RAD9B: variants seen among roughly 807,000 people sequenced by gnomAD.
RAD9B encodes the protein RAD9 checkpoint clamp component B.
RAD9B carries 41 observed loss-of-function variants against 48.3 expected under a neutral mutation model. The ratio of observed to expected loss-of-function variants is 0.85; its 90% CI spans 0.66 to 1.10. The LOEUF is 1.10. RAD9B is among the 50% of genes least tolerant of loss of function. The probability of loss-of-function intolerance (pLI) is 0.00; values close to 1 mark genes in which losing one functional copy is unlikely to be tolerated. For missense variants in RAD9B, 444 were observed against 485.1 expected (o/e 0.92, Z 0.80); for synonymous variants, 160 against 157.9 (o/e 1.01, Z -0.10).
Position 110,531,696 on chromosome 12 carries a change from GTC to G in RAD9B, c.*1047_*1048del, listed in dbSNP as rs1429405413. 2 of 1,498,790 alleles carry G rather than the reference GTC, an allele frequency of 1.3e-6. No individual in the cohort carries two copies. The highest frequency in any genetic ancestry group is 2.3e-5 in the East Asian group (1 of 44,200). The allele number at this position is 1,498,790 out of a possible 1,614,324, so 92.8% of individuals were successfully genotyped here. A position where few individuals can be genotyped will look rare whatever the true frequency, so the allele number is the denominator to read the frequency against. ...GAGTGGAATAAGGTGGAAGACAAAT[GTC>G]TCTGTTCTTTGGCCCTTTAAGAGTT... On this transcript the variant is annotated 3_prime_UTR_variant, in exon 11 of 11. Coordinates refer to ENST00000409300, the MANE Select transcript of RAD9B (RefSeq NM_001286535.2).
At chr12:110,515,520 G>T (rs545729429) in intron 6 of RAD9B, among the ~76,000 whole-genome samples, 2 of 152,282 alleles carry the variant, frequency 1.3e-5, no homozygotes, top group African/African-American at 4.8e-5. Context: ...AATTAGCTGG[G>T]TGTGGTGGCT....
At chr12:110,505,456 A>G (rs1277450027) in intron 2 of RAD9B, among the ~76,000 whole-genome samples, 161 bp from the exon 3 acceptor site, 2 of 152,102 alleles carry the variant, frequency 1.3e-5, no homozygotes, top group Admixed American at 1.3e-4. Context: ...TTTTTAAAAT[A>G]AAAAAATAGA....
intron 10 of RAD9B, 80 bp downstream of exon 10, chr12:110,522,491 A>C (rs928718488): frequency 2.1e-6 from 2 of 941,490 alleles, no homozygotes; most frequent in Non-Finnish European, 1.6e-6. Flanking sequence ...CCCAATCCCC[A>C]CCCAGCCATG....
At chr12:110,530,314 A>G (rs59527539) in intron 10 of RAD9B, among the ~76,000 whole-genome samples, 21,661 of 151,980 alleles carry the variant, frequency 0.14, 2,116 homozygotes, top group African/African-American at 0.28. Flanking sequence ...CAAAGTACTG[A>G]GATTACAGGC....
intron 3 of RAD9B, among the ~76,000 whole-genome samples, chr12:110,506,086 A>G (rs934749300): frequency 2.0e-5 from 3 of 151,300 alleles, no homozygotes; most frequent in African/African-American, 7.3e-5. Context: ...GGGTTTCGCC[A>G]TGTTGGCCAG....
chr12:110,514,972 A>G, intron 5 of RAD9B, 78 bp from the exon 6 acceptor site: 2 of 829,934 alleles, frequency 2.4e-6, no homozygotes, highest in South Asian at 2.0e-5. Flanking sequence ...CAGATTAGAG[A>G]TTTGAGTCCC....
chr12:110,510,088 C>T (rs1362847911), intron 4 of RAD9B, among the ~76,000 whole-genome samples: 1 of 152,216 alleles, frequency 6.6e-6, no homozygotes, highest in Non-Finnish European at 1.5e-5. Context: ...CTCCCAGTAG[C>T]TCCCCATTTT....
chr12:110,520,566 GTCTA>G, intron 9 of RAD9B, among the ~76,000 whole-genome samples: 1 of 142,984 alleles, frequency 7.0e-6, no homozygotes, highest in African/African-American at 2.6e-5. Flanking sequence ...TCACAGGAAA[GTCTA>G]TATTCACTTC....
At chr12:110,514,209 A>T (rs942530577) in intron 5 of RAD9B, among the ~76,000 whole-genome samples, 1 of 152,218 alleles carries the variant, frequency 6.6e-6, no homozygotes, top group African/African-American at 2.4e-5. Context: ...ACATTTTGAT[A>T]GCAAGAAACA....
rs1376049127 is a variant in RAD9B at position 110,532,023 on chromosome 12, T to A, written c.*1370T>A. ...ACTGAAACCAGAATTAATTTGGCTC[T>A]TGTAGCTTAGTAATGAGTCATAGCT... On this transcript the variant is annotated 3_prime_UTR_variant, in exon 11 of 11. Coordinates refer to ENST00000409300, the MANE Select transcript of RAD9B (RefSeq NM_001286535.2). The A allele has an allele frequency of 5.8e-6, 1 of 171,106 alleles. No individual in the cohort carries two copies. Among genetic ancestry groups the A allele is most frequent in the East Asian group, 1.8e-4 (1 of 5,646 alleles). The allele number at this position is 171,106 out of a possible 1,614,324, so 10.6% of individuals were successfully genotyped here.
At position 110,505,719 on chromosome 12, in the gene RAD9B, A is replaced by T; in HGVS notation, c.220A>T (p.Ser74Cys). Reference sequence around the variant, plus strand: ...TCAATGGTCAGCTTTAGTGAAAATGAGTGAAAATGAACTTGACACAACACT... The same window carrying T: ...TCAATGGTCAGCTTTAGTGAAAATGTGTGAAAATGAACTTGACACAACACT... ...HYQWSALVKM[S>C]ENELDTTLHL... is the part of the protein sequence containing the mutation. The change falls in exon 3 of 11, where the codon AGT becomes TGT. Residue 74 changes from serine to cysteine, a missense_variant. Physicochemically the swap from Ser to Cys is moderately radical, Grantham distance 112. Transcript: ENST00000409300. 1 of 1,610,330 alleles carries T rather than the reference A, an allele frequency of 6.2e-7. No individual in the cohort carries two copies. Among genetic ancestry groups the T allele is most frequent in the Non-Finnish European group, 8.5e-7 (1 of 1,178,094 alleles).
Position 110,531,412 on chromosome 12 carries a change from GAACT to G in RAD9B, c.*760_*763del. 7.3e-6 allele frequency: 4 copies of G among 550,510 alleles called. No individual in the cohort carries two copies. Among genetic ancestry groups the G allele is most frequent in the Non-Finnish European group, 9.3e-6 (3 of 320,960 alleles). The allele number at this position is 550,510 out of a possible 1,614,324, so 34.1% of individuals were successfully genotyped here. ...TCGCCATGTTGGCCAGGGTGGTCTT[GAACT>G]CCTGGCCTCAAGTGATCTGCCCACC... On this transcript the variant is annotated 3_prime_UTR_variant, in exon 11 of 11. Transcript: ENST00000409300.
At chr12:110,523,731 C>T (rs1186628177) in intron 10 of RAD9B, among the ~76,000 whole-genome samples, 1 of 152,304 alleles carries the variant, frequency 6.6e-6, no homozygotes, top group South Asian at 2.1e-4. Flanking sequence ...CTGAAATTCA[C>T]TAAGATTGCC....
Position 110,512,878 on chromosome 12 carries a change from G to C in RAD9B, c.488G>C (p.Arg163Thr). 6.8e-7 allele frequency: 1 copy of C among 1,463,540 alleles called. No homozygotes were observed. Among genetic ancestry groups the C allele is most frequent in the Non-Finnish European group, 9.5e-7 (1 of 1,052,334 alleles). 90.7% of individuals were successfully genotyped at this position (1,463,540 alleles called of 1,614,324 possible). Residue 163 changes from arginine to threonine, a missense_variant and splice_region_variant, in exon 5 of 11, where the codon AGA becomes ACA. Transcript: ENST00000409300. ...VCTNTLMIQP[R>T]LLADAIVLFT... Reference sequence around the variant, plus strand: ...ACTAATACGCTAATGATTCAACCAAGGTAATGAGTTCTCTGTTGTCAGTTT... The same window carrying C: ...ACTAATACGCTAATGATTCAACCAACGTAATGAGTTCTCTGTTGTCAGTTT...
chr12:110,529,588 G>C lies in RAD9B; in HGVS notation c.1126-937G>C, dbSNP rs183072098. 2.1e-4 allele frequency among the ~76,000 whole-genome samples: 32 copies of C among 150,022 alleles called. No homozygotes were observed. The East Asian group carries it at 5.4e-3, about 26-fold the overall frequency. ...CCACGTAGCAAGACCTGGTCTTTAC[G>C]GAAAAAAAAAAAAAGGCTGCGCATG... On this transcript the variant is annotated intron_variant, in intron 10 of 10. Transcript: ENST00000409300.
chr12:110,512,599 G>A (rs1392362021), intron 4 of RAD9B, among the ~76,000 whole-genome samples, 180 bp from the exon 5 acceptor site: 2 of 152,168 alleles, frequency 1.3e-5, no homozygotes, highest in East Asian at 3.9e-4. Context: ...ATATTGCTTG[G>A]TGTCCACTAG....
At chr12:110,507,542 TA>T (rs1470366232) in intron 4 of RAD9B, among the ~76,000 whole-genome samples, 14 of 43,074 alleles carry the variant, frequency 3.3e-4, no homozygotes, top group East Asian at 1.4e-3. Flanking sequence ...ATATAATACA[TA>T]ATATATGTAT....
At position 110,530,540 on chromosome 12, in the gene RAD9B, T is replaced by G; in HGVS notation, c.1141T>G (p.Phe381Val). ...TTCCCTCCAGTTTTCTTGCATGTTC[T>G]TTGGAGCAGTTTCTTCTGACCAGCA... ...LCLRKFSCMF[F>V]GAVSSDQQEH... is the part of the protein sequence containing the mutation. Residue 381 changes from phenylalanine (F) to valine (V), a missense_variant, in exon 11 of 11, where the codon TTT (phenylalanine) becomes GTT (valine). Phe to Val is a conservative substitution (Grantham distance 50). Transcript: ENST00000409300. 1 of 1,613,962 alleles carries G rather than the reference T, an allele frequency of 6.2e-7. No individual in the cohort carries two copies. The highest frequency in any genetic ancestry group is 8.5e-7 in the Non-Finnish European group (1 of 1,179,866).
At chr12:110,529,065 G>C (rs764201654) in intron 10 of RAD9B, among the ~76,000 whole-genome samples, 4 of 151,786 alleles carry the variant, frequency 2.6e-5, no homozygotes, top group Non-Finnish European at 5.9e-5. Flanking sequence ...AGGAGAATGA[G>C]AAGATGGAGA....
Sources: allele counts gnomAD v4.1 joint callset (sites outside exome capture counted in the v4.1 genomes callset), GRCh38; gene constraint gnomAD v4.1.1; transcripts MANE v1.5; gene names NCBI Gene and HGNC (gene_info 2026-07-23, HGNC 2026-07-21).